The following PIEZO2 variants were observed in gnomAD, a reference collection of about 807,000 sequenced individuals.
PIEZO2 encodes piezo type mechanosensitive ion channel component 2.
A neutral mutation model predicts 337.3 loss-of-function variants in PIEZO2; 172 were observed. The observed-to-expected ratio is 0.51, with a 90% confidence interval of 0.45 to 0.58. The LOEUF is 0.58. PIEZO2 is among the 20% of genes least tolerant of loss of function. The pLI, the probability that PIEZO2 is intolerant of heterozygous loss-of-function variation, is 0.00. For missense variants in PIEZO2, 3,028 were observed against 3,391.3 expected, an observed-to-expected ratio of 0.89 and a Z score of 2.66; for synonymous variants, 1,251 against 1,228.5, an observed-to-expected ratio of 1.02 and a Z score of -0.38.
chr18:10,737,447 CTG>C (rs1290796887), intron 33 of PIEZO2, among the ~76,000 whole-genome samples: 1 of 152,192 alleles, frequency 6.6e-6, no homozygotes, highest in Non-Finnish European at 1.5e-5. Context: ...CTAAGACAGA[CTG>C]AGAATGGCAG....
At chr18:11,049,763 A>G (rs7240199) in intron 2 of PIEZO2, among the ~76,000 whole-genome samples, 5,994 of 152,136 alleles carry the variant, frequency 0.039, 201 homozygotes, top group African/African-American at 0.078. Flanking sequence ...CATGTAAGAC[A>G]TGCCTTTCGC....
At chr18:11,107,996 G>C (rs1281226384) in intron 1 of PIEZO2, among the ~76,000 whole-genome samples, 1 of 151,962 alleles carries the variant, frequency 6.6e-6, no homozygotes, top group African/African-American at 2.4e-5. Context: ...AAGTCAACTG[G>C]GTTTCACAGA....
Position 10,899,655 on chromosome 18 carries a change from C to T in PIEZO2, c.329+11531G>A, listed in dbSNP as rs1216624030. Among the ~76,000 whole-genome samples the T allele has an allele frequency of 6.6e-6, 1 of 152,196 alleles. No homozygotes were observed. Among genetic ancestry groups the T allele is most frequent in the Non-Finnish European group, 1.5e-5 (1 of 68,034 alleles). On this transcript the variant is annotated intron_variant, in intron 4 of 55. Transcript: ENST00000674853. This position sits in a 1 kb window ranked among gnomAD's most constrained non-coding sequence, Gnocchi z 4.6. ...TCCCCTAAACATTCCATTTTATACA[C>T]TCAACACCCAACTGTTACCTCCATA...
In PIEZO2 at chr18:10,847,969, C is replaced by T. The variant is rs1375084257; in HGVS notation, c.917+7384G>A. Among the ~76,000 whole-genome samples the T allele has an allele frequency of 2.0e-5, 3 of 152,200 alleles. No homozygotes were observed. The highest frequency in any genetic ancestry group is 7.2e-5 in the African/African-American group (3 of 41,440). On this transcript the variant is annotated intron_variant, in intron 7 of 55. Transcript: ENST00000674853. This position sits in a 1 kb window ranked among gnomAD's most constrained non-coding sequence, Gnocchi z 5.7. ...CTTTACATTTGTTTTTCTCCACACACTGGACCGATTTCAGATGAAGGTTTT... is the reference window on the plus strand; with the variant it reads ...CTTTACATTTGTTTTTCTCCACACATTGGACCGATTTCAGATGAAGGTTTT...
chr18:10,933,145 A>T (rs1256941158), intron 3 of PIEZO2, among the ~76,000 whole-genome samples: 5 of 152,170 alleles, frequency 3.3e-5, no homozygotes, highest in African/African-American at 1.2e-4. Flanking sequence ...AACCAGGGAC[A>T]AGGCTACAAG....
At position 10,698,996 on chromosome 18, in the gene PIEZO2, C is replaced by A; in HGVS notation, c.6623G>T (p.Arg2208Leu). Residue 2208 changes from arginine (R) to leucine (L), a missense_variant, in exon 44 of 56, where the codon CGG (arginine) becomes CTG (leucine). Transcript: ENST00000674853. ...VTFPEQQTAVRRKRSGSSSEP... is the reference protein window; with the variant it reads ...VTFPEQQTAVLRKRSGSSSEP... Reference sequence around the variant, plus strand: ...GGAGCTGCTGCCGGAGCGCTTCCTCCGGACAGCTGTCTGCTGCTCCGGGAA... The same window carrying A: ...GGAGCTGCTGCCGGAGCGCTTCCTCAGGACAGCTGTCTGCTGCTCCGGGAA... 1 of 1,537,002 alleles carries A rather than the reference C, an allele frequency of 6.5e-7. No individual in the cohort carries two copies. Among genetic ancestry groups the A allele is most frequent in the Non-Finnish European group, 8.7e-7 (1 of 1,146,904 alleles).
rs1269933703 is a variant in PIEZO2, at chr18:11,116,580, T to TGGC, written c.64+31942_64+31944dup. Among the ~76,000 whole-genome samples, 1 of 151,792 alleles carries TGGC rather than the reference T, an allele frequency of 6.6e-6. No individual in the cohort carries two copies. The highest frequency in any genetic ancestry group is 6.6e-5 in the Admixed American group (1 of 15,246). On this transcript the variant is annotated intron_variant, in intron 1 of 55. Transcript: ENST00000674853. This position sits in a 1 kb window ranked among gnomAD's most constrained non-coding sequence, Gnocchi z 5.0. ...AAATTAAAAAATTAGCCGGGCGTGG[T>TGGC]GGCGGGGGGCCTGTAGTCCCAGCTA...
intron 2 of PIEZO2, among the ~76,000 whole-genome samples, chr18:11,012,747 T>A (rs911435929): frequency 2.6e-5 from 4 of 152,230 alleles, no homozygotes; most frequent in Non-Finnish European, 4.4e-5. Flanking sequence ...TTTAATATAT[T>A]AAGTTATTCA....
rs989542768 is a variant in PIEZO2, at chr18:11,148,378, G to A, written c.64+147C>T. ...GAGTGGGAAGTGAGAGAGCCAGGCTGTGCACCAGGGACAGCGCGCGTCTGA... is the reference window on the plus strand; with the variant it reads ...GAGTGGGAAGTGAGAGAGCCAGGCTATGCACCAGGGACAGCGCGCGTCTGA... On this transcript the variant is annotated intron_variant, in intron 1 of 55. Coordinates refer to ENST00000674853, the MANE Select transcript of PIEZO2 (RefSeq NM_001378183.1). This position sits in a 1 kb window ranked among gnomAD's most constrained non-coding sequence, Gnocchi z 5.2. 6.9e-5 allele frequency: 60 copies of A among 868,178 alleles called. 1 individual carries two copies. The highest frequency in any genetic ancestry group is 9.8e-5 in the Non-Finnish European group (55 of 560,918). 53.8% of individuals were successfully genotyped at this position (868,178 alleles called of 1,614,324 possible). A position where few individuals can be genotyped will look rare whatever the true frequency, so the allele number is the denominator to read the frequency against.
chr18:11,148,474 G>A lies in PIEZO2; in HGVS notation c.64+51C>T, dbSNP rs2040865440. The stretch of plus-strand genomic sequence containing the variant: ...ACTTTGTTAAGAAGTCCCCCACCCA[G>A]GCGCCCCCCTCGTCCTCCTCAAGTG... On this transcript the variant is annotated intron_variant, in intron 1 of 55. Transcript: ENST00000674853. This position sits in a 1 kb window ranked among gnomAD's most constrained non-coding sequence, Gnocchi z 5.2. 6 of 1,525,342 alleles carry A rather than the reference G, an allele frequency of 3.9e-6. No homozygotes were observed. In the South Asian group the frequency reaches 7.2e-5, roughly 18 times the overall value. The allele number at this position is 1,525,342 out of a possible 1,614,324, so 94.5% of individuals were successfully genotyped here.
At chr18:10,897,982 G>A (rs1419394753) in intron 4 of PIEZO2, among the ~76,000 whole-genome samples, 2 of 152,128 alleles carry the variant, frequency 1.3e-5, no homozygotes, top group East Asian at 3.9e-4. Context: ...AGTCCTTCTT[G>A]GTTATGCAGA....
chr18:11,046,062 T>A (rs1369605998), intron 2 of PIEZO2, among the ~76,000 whole-genome samples: 1 of 152,166 alleles, frequency 6.6e-6, no homozygotes, highest in Non-Finnish European at 1.5e-5. Flanking sequence ...TATTTAAAAA[T>A]TCCCCAGGCA....
chr18:10,757,786 C>A (rs1436104113), intron 27 of PIEZO2, among the ~76,000 whole-genome samples, 183 bp downstream of exon 27: 2 of 151,988 alleles, frequency 1.3e-5, no homozygotes, highest in African/African-American at 4.8e-5. Flanking sequence ...AAAGCAGGTG[C>A]AGTGCTATAA....
At chr18:11,133,808 G>A (rs376229534) in intron 1 of PIEZO2, among the ~76,000 whole-genome samples, 1 of 147,012 alleles carries the variant, frequency 6.8e-6, no homozygotes, top group South Asian at 2.2e-4. Flanking sequence ...ATATATGTGT[G>A]TATATATATA....
At chr18:10,848,519 T>C (rs118178829) in intron 7 of PIEZO2, among the ~76,000 whole-genome samples, 2,111 of 152,358 alleles carry the variant, frequency 0.014, 23 homozygotes, top group Non-Finnish European at 0.02. Context: ...CAAATCATTG[T>C]ACATTTATTT....
In PIEZO2 at chr18:10,819,207, T is replaced by C. The variant is rs1476333008; in HGVS notation, c.918-11933A>G. 1.3e-5 allele frequency among the ~76,000 whole-genome samples: 2 copies of C among 152,232 alleles called. No homozygotes were observed. Among genetic ancestry groups the C allele is most frequent in the Admixed American group, 6.5e-5 (1 of 15,280 alleles). Reference sequence around the variant, plus strand: ...TCTACTGGAATAATTACATGGGTAATTTAACAGTGGATTTGGATAAAACTG... The same window carrying C: ...TCTACTGGAATAATTACATGGGTAACTTAACAGTGGATTTGGATAAAACTG... On this transcript the variant is annotated intron_variant, in intron 7 of 55. Coordinates refer to ENST00000674853, the MANE Select transcript of PIEZO2 (RefSeq NM_001378183.1). The surrounding 1 kb of genome is among the most constrained non-coding windows in gnomAD (Gnocchi z 4.3).
rs2039277210 is a variant in PIEZO2, at chr18:11,096,895, A to C, written c.65-30673T>G. The stretch of plus-strand genomic sequence containing the variant: ...AGTGGCAGAGAATCACCAAAGGTGG[A>C]TGCTTTCATCTGCAGCCCTCCAATC... On this transcript the variant is annotated intron_variant, in intron 1 of 55. Transcript: ENST00000674853. The surrounding 1 kb of genome is among the most constrained non-coding windows in gnomAD (Gnocchi z 4.6). Among the ~76,000 whole-genome samples the C allele has an allele frequency of 6.6e-6, 1 of 152,218 alleles. No homozygotes were observed. Among genetic ancestry groups the C allele is most frequent in the African/African-American group, 2.4e-5 (1 of 41,448 alleles).
At chr18:10,836,547 A>C (rs1443443578) in intron 7 of PIEZO2, among the ~76,000 whole-genome samples, 1 of 152,222 alleles carries the variant, frequency 6.6e-6, no homozygotes, top group Non-Finnish European at 1.5e-5. Flanking sequence ...TGTTAATTCC[A>C]TTACTTTGTG....
intron 1 of PIEZO2, among the ~76,000 whole-genome samples, chr18:11,084,749 T>A (rs2038861182): frequency 6.6e-6 from 1 of 152,190 alleles, no homozygotes; most frequent in South Asian, 2.1e-4. Flanking sequence ...ACTTCTCAGT[T>A]GTGAATTTCA....
Sources: gnomAD v4.1 joint callset for allele counts (sites outside exome capture counted in the v4.1 genomes callset) on GRCh38, gnomAD v4.1.1 for gene constraint, Gnocchi (gnomAD v3.1) non-coding constraint, MANE v1.5 for transcripts, NCBI Gene and HGNC (gene_info 2026-07-23, HGNC 2026-07-21) for gene names.